Variants in DNAJC6 observed in about 807,000 individuals in gnomAD.
The protein encoded by DNAJC6 is DnaJ heat shock protein family (Hsp40) member C6, also known as auxilin.
Under a neutral mutation model 110.0 loss-of-function variants are expected in DNAJC6, and 34 were observed. That is an observed-to-expected ratio of 0.31 (90% CI 0.24 to 0.41). DNAJC6 has a LOEUF of 0.41. Ranked by LOEUF, DNAJC6 falls within the 10% of genes least tolerant of loss-of-function variation. The probability of loss-of-function intolerance (pLI) is 1.00; values close to 1 mark genes in which losing one functional copy is unlikely to be tolerated. For synonymous variants in DNAJC6, 406 were observed against 437.2 expected (o/e 0.93, Z 0.89); for missense variants, 1,031 against 1,207.8 (o/e 0.85, Z 2.17).
chr1:65,372,089 GC>G (rs1645711530), intron 4 of DNAJC6, among the ~76,000 whole-genome samples: 1 of 151,550 alleles, frequency 6.6e-6, no homozygotes, highest in African/African-American at 2.4e-5. Context: ...AGCCTATTGT[GC>G]TAAGAATAAT....
chr1:65,309,416 C>A, upstream of DNAJC6: 1 of 418,118 alleles, frequency 2.4e-6, no homozygotes, highest in Non-Finnish European at 3.3e-6. Context: ...GGGCACTCCT[C>A]AGCCAGGAGG....
At chr1:65,272,420 C>T (rs1653534337) in intron 1 of DNAJC6, among the ~76,000 whole-genome samples, 1 of 152,126 alleles carries the variant, frequency 6.6e-6, no homozygotes, top group African/African-American at 2.4e-5. Context: ...TTATATATTG[C>T]TGTATTTGAC....
At chr1:65,365,553 A>G (rs1645637754) in intron 2 of DNAJC6, among the ~76,000 whole-genome samples, 1 of 152,172 alleles carries the variant, frequency 6.6e-6, no homozygotes, top group South Asian at 2.1e-4. Context: ...GCCACTTACA[A>G]TTATGGAAGA....
At chr1:65,375,325 T>G (rs1209333544) in intron 4 of DNAJC6, among the ~76,000 whole-genome samples, 2 of 152,194 alleles carry the variant, frequency 1.3e-5, no homozygotes, top group African/African-American at 2.4e-5. Flanking sequence ...TCAGCATCTA[T>G]TGAAATAATC....
intron 1 of DNAJC6, among the ~76,000 whole-genome samples, chr1:65,314,511 A>G (rs1163482595): frequency 6.6e-6 from 1 of 151,618 alleles, no homozygotes; most frequent in Admixed American, 6.6e-5. Context: ...ATTTTTTGAG[A>G]CGGAGTCTCA....
At chr1:65,384,014 T>C in intron 5 of DNAJC6, 179 bp from the exon 6 acceptor site, 1 of 554,802 alleles carries the variant, frequency 1.8e-6, no homozygotes, top group Non-Finnish European at 2.8e-6. Context: ...CCTTGCTGCC[T>C]TTGATTTAAA....
In DNAJC6 at chr1:65,392,545, A is replaced by G. The variant is rs1207187573; in HGVS notation, c.1583A>G (p.Asn528Ser). The G allele has an allele frequency of 1.2e-6, 2 of 1,613,988 alleles. No homozygotes were observed. The highest frequency in any genetic ancestry group is 2.2e-5 in the East Asian group (1 of 44,880). ...CTTTCCAGTCCGCATGGCAATGCCAATGGTGACAAGCCTCATGGAGTCAAG... is the reference window on the plus strand; with the variant it reads ...CTTTCCAGTCCGCATGGCAATGCCAGTGGTGACAAGCCTCATGGAGTCAAG... ...LTLSSPHGNA[N>S]GDKPHGVKKP... Residue 528 changes from asparagine (N) to serine (S), a missense_variant, in exon 12 of 19, where the codon AAT becomes AGT. Physicochemically the swap from Asn to Ser is conservative, Grantham distance 46. Transcript: ENST00000371069.
rs576427066 is a variant in DNAJC6, at chr1:65,343,304, A to T, written c.194-21331A>T. ...TTTTGTCCGAAGAGCAGATGGAACC[A>T]CACAGACCAGACTGCAGGAAAGAGA... On this transcript the variant is annotated intron_variant, in intron 1 of 18. Transcript: ENST00000371069. 1.9e-4 allele frequency among the ~76,000 whole-genome samples: 29 copies of T among 152,348 alleles called. No individual in the cohort carries two copies. In the East Asian group the frequency reaches 4.1e-3, roughly 21 times the overall value.
upstream of DNAJC6, among the ~76,000 whole-genome samples, chr1:65,304,891 A>G (rs1645023135): frequency 1.3e-5 from 2 of 152,194 alleles, no homozygotes; most frequent in Admixed American, 1.3e-4. Flanking sequence ...AAGGCATCTA[A>G]ACTAAAATGT....
intron 1 of DNAJC6, among the ~76,000 whole-genome samples, chr1:65,324,221 G>C (rs1645221223): frequency 6.6e-6 from 1 of 151,834 alleles, no homozygotes; most frequent in Non-Finnish European, 1.5e-5. Context: ...TGTCACCCAG[G>C]CAGGAGTGCA....
intron 7 of DNAJC6, among the ~76,000 whole-genome samples, chr1:65,386,329 A>T (rs1645871847): frequency 6.6e-6 from 1 of 152,224 alleles, no homozygotes; most frequent in African/African-American, 2.4e-5. Context: ...GTGGGTGGTC[A>T]TAGGGGATGT....
intron 1 of DNAJC6, among the ~76,000 whole-genome samples, chr1:65,326,993 C>T (rs549773044): frequency 1.5e-4 from 23 of 152,256 alleles, no homozygotes; most frequent in African/African-American, 5.3e-4. Context: ...GGAAAACTGG[C>T]CCTCAAGTTG....
chr1:65,274,551 A>T (rs1165638264), intron 1 of DNAJC6, among the ~76,000 whole-genome samples: 1 of 152,156 alleles, frequency 6.6e-6, no homozygotes, highest in Admixed American at 6.5e-5. Context: ...TCCTGACCTC[A>T]GGTGATCCAC....
intron 4 of DNAJC6, among the ~76,000 whole-genome samples, chr1:65,373,564 A>G (rs1645728966): frequency 6.7e-6 from 1 of 150,240 alleles, no homozygotes; most frequent in Admixed American, 6.6e-5. Context: ...ACTGTATGCC[A>G]TTTCTATGTC....
intron 1 of DNAJC6, among the ~76,000 whole-genome samples, chr1:65,292,333 G>GC (rs1644885736): frequency 7.8e-6 from 1 of 127,580 alleles, no homozygotes; most frequent in African/African-American, 3.1e-5. Context: ...TTTTTTTTTT[G>GC]TTTTTTTTTT....
chr1:65,392,814 C>T lies in DNAJC6; in HGVS notation c.1852C>T (p.Arg618Cys), dbSNP rs377366345. 38 of 1,568,972 alleles carry T rather than the reference C, an allele frequency of 2.4e-5. No individual in the cohort carries two copies. The highest frequency in any genetic ancestry group is 7.3e-5 in the South Asian group (6 of 82,144). Residue 618 changes from arginine to cysteine, a missense_variant, in exon 12 of 19, where the codon CGC becomes TGC. Physicochemically the swap from Arg to Cys is radical, Grantham distance 180. Coordinates refer to ENST00000371069, the MANE Select transcript of DNAJC6 (RefSeq NM_001256864.2). ...SGPASTQSTP[R>C]RSATSTSASP... ...ACCTGCGTCTACCCAGTCAACACCA[C>T]GCCGCTCTGCCACCTCCACCTCTGC...
upstream of DNAJC6, among the ~76,000 whole-genome samples, chr1:65,307,016 CTCTATA>C (rs1426575652): frequency 9.9e-3 from 732 of 73,572 alleles, no homozygotes; most frequent in Non-Finnish European, 0.014. Flanking sequence ...CTCTCTCTCT[CTCTATA>C]TATATATATA....
At chr1:65,319,518 T>C (rs769358766) in intron 1 of DNAJC6, among the ~76,000 whole-genome samples, 1 of 152,168 alleles carries the variant, frequency 6.6e-6, no homozygotes, top group African/African-American at 2.4e-5. Context: ...AGCCCTAGAC[T>C]CTGGTTCCTT....
chr1:65,273,751 T>A (rs1216361388), intron 1 of DNAJC6, among the ~76,000 whole-genome samples: 1 of 152,224 alleles, frequency 6.6e-6, no homozygotes, highest in South Asian at 2.1e-4. Flanking sequence ...TGTAACAACA[T>A]ACTTTTTAAT....
Sources: gnomAD v4.1 joint callset for allele counts (sites outside exome capture counted in the v4.1 genomes callset) on GRCh38, gnomAD v4.1.1 for gene constraint, MANE v1.5 for transcripts, NCBI Gene and HGNC (gene_info 2026-07-23, HGNC 2026-07-21) for gene names.